The following NAA40 variants were observed in gnomAD, a reference collection of about 807,000 sequenced individuals.
NAA40 encodes N-alpha-acetyltransferase 40, NatD catalytic subunit.
Under a neutral mutation model 36.6 loss-of-function variants are expected in NAA40, and 26 were observed. That is an observed-to-expected ratio of 0.71 (90% confidence interval 0.52 to 0.98). NAA40 has a LOEUF of 0.98. NAA40 is among the 50% of genes least tolerant of loss of function. The pLI is 0.00. For synonymous variants in NAA40, 129 were observed against 108.4 expected (o/e 1.19, Z -1.18); for missense variants, 237 against 306.5 (o/e 0.77, Z 1.69).
At chr11:63,946,035 A>C (rs1590752788) in intron 2 of NAA40, 100 bp downstream of exon 2, 1 of 962,824 alleles carries the variant, frequency 1.0e-6, no homozygotes, top group Non-Finnish European at 1.6e-6. Flanking sequence ...TTGTGACACT[A>C]CCCACCCACA....
chr11:63,950,142 CAG>C (rs1171062757), intron 3 of NAA40, among the ~76,000 whole-genome samples: 2 of 130,928 alleles, frequency 1.5e-5, no homozygotes, highest in African/African-American at 6.2e-5. Flanking sequence ...TTTTTTGAGA[CAG>C]AGTCTCGCTC....
intron 1 of NAA40, chr11:63,939,624 G>C: frequency 3.1e-6 from 1 of 324,370 alleles, no homozygotes; most frequent in Non-Finnish European, 4.4e-6. Flanking sequence ...AGCGAAGCCG[G>C]TTCCCCTACA....
chr11:63,943,697 C>T (rs968912083), intron 1 of NAA40, among the ~76,000 whole-genome samples: 1 of 152,060 alleles, frequency 6.6e-6, no homozygotes, highest in East Asian at 1.9e-4. Context: ...GTGGCTCACA[C>T]CTGTAATCCC....
intron 3 of NAA40, among the ~76,000 whole-genome samples, chr11:63,951,207 A>G (rs549028992): frequency 6.6e-6 from 1 of 152,222 alleles, no homozygotes; most frequent in Non-Finnish European, 1.5e-5. Context: ...AGTGCTCTCT[A>G]GGGAATGTGA....
chr11:63,946,091 G>A (rs562911472), intron 2 of NAA40, 156 bp downstream of exon 2: 5 of 656,534 alleles, frequency 7.6e-6, no homozygotes, highest in Non-Finnish European at 1.3e-5. Context: ...TCATACCTGT[G>A]TGTTGGAAGT....
At chr11:63,950,104 TG>T (rs200407457) in intron 3 of NAA40, among the ~76,000 whole-genome samples, 5,042 of 143,888 alleles carry the variant, frequency 0.035, 129 homozygotes, top group South Asian at 0.16. Context: ...AAGTAGCAGC[TG>T]GTATGAGGTT....
chr11:63,940,138 T>C (rs1182532704), intron 1 of NAA40, among the ~76,000 whole-genome samples: 3 of 150,054 alleles, frequency 2.0e-5, no homozygotes, highest in East Asian at 2.0e-4. Context: ...GCATCCTCCT[T>C]CTTCTGGGTT....
intron 1 of NAA40, 37 bp downstream of exon 1, chr11:63,939,139 G>A (rs762193971): frequency 6.3e-7 from 1 of 1,580,680 alleles, no homozygotes; most frequent in South Asian, 1.1e-5. Context: ...GAGGTCCAGG[G>A]GCGCTCCTCG....
intron 3 of NAA40, among the ~76,000 whole-genome samples, chr11:63,950,476 C>T (rs1341006085): frequency 2.0e-5 from 3 of 148,388 alleles, no homozygotes; most frequent in Admixed American, 6.8e-5. Flanking sequence ...ATAGTGTTTT[C>T]GTTTTTGTTT....
At position 63,955,863 on chromosome 11, in the gene NAA40, C is replaced by G. The variant is rs1423734580; in HGVS notation, c.*1384C>G. 3 of 152,260 alleles carry G rather than the reference C, an allele frequency of 2.0e-5. No individual in the cohort carries two copies. The highest frequency in any genetic ancestry group is 2.0e-4 in the Admixed American group (3 of 15,274). 9.4% of individuals were successfully genotyped at this position (152,260 alleles called of 1,614,324 possible). On this transcript the variant is annotated 3_prime_UTR_variant, in exon 8 of 8. Coordinates refer to ENST00000377793, the MANE Select transcript of NAA40 (RefSeq NM_024771.4). ...CACCTAACAGCTCCCTTTGGATATC[C>G]CTGAGCTCTGCTGTGGGGAGTATCA...
chr11:63,941,745 G>T (rs541371905), intron 1 of NAA40, among the ~76,000 whole-genome samples: 7 of 151,996 alleles, frequency 4.6e-5, no homozygotes, highest in Non-Finnish European at 1.0e-4. Context: ...GTAGAGACGG[G>T]GTTTCACCAT....
At chr11:63,946,917 G>A (rs1179330706) in intron 2 of NAA40, 34 bp from the exon 3 acceptor site, 1 of 1,613,460 alleles carries the variant, frequency 6.2e-7, no homozygotes. Context: ...CGCCCCACTT[G>A]TCTGTGCTGT....
At chr11:63,939,134 C>T (rs774798536) in intron 1 of NAA40, 32 bp downstream of exon 1, 7 of 1,585,120 alleles carry the variant, frequency 4.4e-6, no homozygotes, top group South Asian at 2.2e-5. Flanking sequence ...GATGGGAGGT[C>T]CAGGGGCGCT....
intron 1 of NAA40, among the ~76,000 whole-genome samples, chr11:63,940,040 CTTTTTTTTTTTTTTT>C (rs10618202): frequency 1.3e-5 from 1 of 77,754 alleles, no homozygotes; most frequent in East Asian, 4.4e-4. Flanking sequence ...TGGCTGTATT[CTTTTTTTTTTTTTTT>C]TTTTTTTTTT....
Position 63,954,439 on chromosome 11 carries a change from A to C in NAA40, c.674A>C (p.His225Pro). ...SRRTKFGDSH[H>P]SHAGGHCGGC... is the part of the protein sequence containing the mutation. ...AGGACCAAGTTTGGGGACAGCCATC[A>C]CTCCCACGCGGGTGGGCACTGTGGT... The change falls in exon 8 of 8, where the codon CAC becomes CCC. Residue 225 changes from histidine to proline, a missense_variant. His to Pro is a moderately conservative substitution (Grantham distance 77). Transcript: ENST00000377793. 6.2e-7 allele frequency: 1 copy of C among 1,610,520 alleles called. No homozygotes were observed. The highest frequency in any genetic ancestry group is 1.1e-5 in the South Asian group (1 of 90,576).
chr11:63,949,789 G>C (rs939983364), intron 3 of NAA40, among the ~76,000 whole-genome samples: 2 of 140,274 alleles, frequency 1.4e-5, no homozygotes, highest in African/African-American at 2.7e-5. Flanking sequence ...CTGTCACCCA[G>C]GCTGGAGTGC....
At chr11:63,951,029 G>A (rs1050765573) in intron 3 of NAA40, among the ~76,000 whole-genome samples, 1 of 152,206 alleles carries the variant, frequency 6.6e-6, no homozygotes, top group African/African-American at 2.4e-5. Flanking sequence ...TGCTTCAGGG[G>A]CAGGGAGTTC....
intron 1 of NAA40, chr11:63,939,333 C>T: frequency 2.4e-6 from 3 of 1,261,626 alleles, no homozygotes; most frequent in East Asian, 3.3e-5. Flanking sequence ...GCGCCCCCAG[C>T]GTCACGCCCG....
At chr11:63,949,027 A>AG (rs1554996050) in intron 3 of NAA40, among the ~76,000 whole-genome samples, 1 of 151,888 alleles carries the variant, frequency 6.6e-6, no homozygotes, top group East Asian at 1.9e-4. Context: ...CAAAAAAAAA[A>AG]TTTTTTTAAT....
Sources: gnomAD v4.1 joint callset for allele counts (sites outside exome capture counted in the v4.1 genomes callset) on GRCh38, gnomAD v4.1.1 for gene constraint, MANE v1.5 for transcripts, NCBI Gene and HGNC (gene_info 2026-07-23, HGNC 2026-07-21) for gene names.